SYCP1: variants seen among roughly 807,000 people sequenced by gnomAD.
SYCP1 encodes the protein synaptonemal complex protein 1, also known as cancer/testis antigen 8.
SYCP1 carries 64 observed loss-of-function variants against 153.1 expected under a neutral mutation model. The observed-to-expected ratio is 0.42, with a 90% CI of 0.34 to 0.51. The LOEUF (loss-of-function observed/expected upper bound fraction) is 0.51, where lower values mean the gene tolerates loss of function less well. SYCP1 is among the 20% of genes least tolerant of loss of function. The probability of loss-of-function intolerance (pLI) is 0.06; values close to 1 mark genes in which losing one functional copy is unlikely to be tolerated. For missense variants in SYCP1, 997 were observed against 1,049.0 expected (o/e 0.95, Z 0.68); for synonymous variants, 384 against 341.8 (o/e 1.12, Z -1.36).
rs772756663 is a variant in SYCP1, at chr1:114,926,591, T to A, written c.1926+28T>A. 8 of 1,530,806 alleles carry A rather than the reference T, an allele frequency of 5.2e-6. No homozygotes were observed. The African/African-American group carries it at 8.4e-5, about 16-fold the overall frequency. The allele number at this position is 1,530,806 out of a possible 1,614,324, so 94.8% of individuals were successfully genotyped here. A position where few individuals can be genotyped will look rare whatever the true frequency, so the allele number is the denominator to read the frequency against. Reference sequence around the variant, plus strand: ...ATTTGGCATCTTTATTTTTGTTTTTTAAATACTAATAGATAGATGAGAATT... The same window carrying A: ...ATTTGGCATCTTTATTTTTGTTTTTAAAATACTAATAGATAGATGAGAATT... On this transcript the variant is annotated intron_variant, in intron 23 of 31. Coordinates refer to ENST00000369522, the MANE Select transcript of SYCP1 (RefSeq NM_003176.4).
At chr1:114,949,644 T>A (rs1670963350) in intron 27 of SYCP1, among the ~76,000 whole-genome samples, 2 of 152,126 alleles carry the variant, frequency 1.3e-5, no homozygotes, top group Admixed American at 6.5e-5. Context: ...CAGGGCTCAA[T>A]CCCTTCCCTA....
Position 114,876,086 on chromosome 1 carries a change from T to G in SYCP1, c.675T>G (p.Phe225Leu). The change falls in exon 10 of 32, where the codon TTT (phenylalanine) becomes TTG (leucine). Residue 225 changes from phenylalanine to leucine, a missense_variant. Phe to Leu is a conservative substitution (Grantham distance 22). Coordinates refer to ENST00000369522, the MANE Select transcript of SYCP1 (RefSeq NM_003176.4). ...NNNIEKMITA[F>L]EELRVQAENS... ...TATTTCAGAAAATGATAACAGCTTTTGAGGAACTTCGTGTGCAAGCTGAGA... is the reference window on the plus strand; with the variant it reads ...TATTTCAGAAAATGATAACAGCTTTGGAGGAACTTCGTGTGCAAGCTGAGA... 1 of 1,582,588 alleles carries G rather than the reference T, an allele frequency of 6.3e-7. No homozygotes were observed. The highest frequency in any genetic ancestry group is 1.2e-5 in the South Asian group (1 of 85,106).
At chr1:114,959,116 T>C (rs1174220174) in intron 27 of SYCP1, among the ~76,000 whole-genome samples, 5 of 152,118 alleles carry the variant, frequency 3.3e-5, no homozygotes, top group African/African-American at 1.2e-4. Context: ...CTGAGAAAGT[T>C]CTCTTCTATT....
intron 21 of SYCP1, 90 bp from the exon 22 acceptor site, chr1:114,926,188 G>T: frequency 1.0e-6 from 1 of 1,001,396 alleles, no homozygotes; most frequent in South Asian, 3.3e-5. Context: ...ACCTTTATCA[G>T]TACTTTATGC....
chr1:114,857,617 T>A, intron 5 of SYCP1, 120 bp downstream of exon 5: 1 of 783,898 alleles, frequency 1.3e-6, no homozygotes, highest in Non-Finnish European at 1.9e-6. Context: ...TTAAGATATA[T>A]CCTTTAAAAC....
chr1:114,871,161 T>C (rs999625835), intron 8 of SYCP1, among the ~76,000 whole-genome samples: 1 of 151,524 alleles, frequency 6.6e-6, no homozygotes, highest in African/African-American at 2.4e-5. Flanking sequence ...TTTCCTCCCA[T>C]CTTTTTTTTT....
At chr1:114,969,226 C>T (rs1426995034) in intron 27 of SYCP1, among the ~76,000 whole-genome samples, 1 of 152,214 alleles carries the variant, frequency 6.6e-6, no homozygotes, top group Non-Finnish European at 1.5e-5. Flanking sequence ...AGATCCTCTG[C>T]TCTCTTCAGA....
chr1:114,872,434 G>A (rs1665214080), intron 8 of SYCP1, among the ~76,000 whole-genome samples: 1 of 152,064 alleles, frequency 6.6e-6, no homozygotes, highest in Non-Finnish European at 1.5e-5. Context: ...TTGCTCCTCT[G>A]TAGGTAAAAT....
At chr1:114,879,426 T>A (rs1665760982) in intron 12 of SYCP1, among the ~76,000 whole-genome samples, 1 of 152,230 alleles carries the variant, frequency 6.6e-6, no homozygotes, top group Non-Finnish European at 1.5e-5. Context: ...TATTTTGTGC[T>A]CTTTCAATCC....
chr1:114,858,991 T>G (rs888768446), intron 6 of SYCP1, among the ~76,000 whole-genome samples: 3 of 152,238 alleles, frequency 2.0e-5, no homozygotes, highest in Non-Finnish European at 4.4e-5. Flanking sequence ...ATAAAGAGTT[T>G]CAATTTTTAT....
intron 8 of SYCP1, among the ~76,000 whole-genome samples, chr1:114,870,597 T>C (rs578246078): frequency 6.6e-6 from 1 of 152,352 alleles, no homozygotes; most frequent in South Asian, 2.1e-4. Context: ...TTGCAGACAT[T>C]TTCTCCCAGT....
At chr1:114,906,628 A>G (rs972679248) in intron 16 of SYCP1, among the ~76,000 whole-genome samples, 5 of 152,120 alleles carry the variant, frequency 3.3e-5, no homozygotes, top group African/African-American at 9.7e-5. Flanking sequence ...TTAGAAGTCT[A>G]TTGTTCAATT....
At chr1:114,856,500 A>G (rs1238180980) in intron 2 of SYCP1, 73 bp from the exon 3 acceptor site, 2 of 967,246 alleles carry the variant, frequency 2.1e-6, no homozygotes, top group East Asian at 2.6e-5. Flanking sequence ...TATATTACAT[A>G]TGTATATATT....
intron 16 of SYCP1, among the ~76,000 whole-genome samples, chr1:114,902,095 C>T (rs1481087019): frequency 7.0e-6 from 1 of 142,178 alleles, no homozygotes; most frequent in African/African-American, 2.6e-5. Flanking sequence ...TGCTTCCCAA[C>T]GGGGAGGGGA....
intron 23 of SYCP1, among the ~76,000 whole-genome samples, chr1:114,929,215 G>A (rs1669465224): frequency 6.6e-6 from 1 of 151,826 alleles, no homozygotes; most frequent in Non-Finnish European, 1.5e-5. Flanking sequence ...CATAACAATA[G>A]CAAAAAAGTC....
chr1:114,902,955 G>A (rs996866346), intron 16 of SYCP1, among the ~76,000 whole-genome samples: 5 of 151,972 alleles, frequency 3.3e-5, no homozygotes, highest in Non-Finnish European at 7.4e-5. Context: ...TGAGGTGAGC[G>A]GATCACTTGA....
chr1:114,925,798 A>G (rs991541653), intron 21 of SYCP1, among the ~76,000 whole-genome samples: 1 of 152,178 alleles, frequency 6.6e-6, no homozygotes, highest in Non-Finnish European at 1.5e-5. Context: ...CATTGCAAAG[A>G]TAAGAATGAT....
chr1:114,906,726 A>AT (rs1667833026), intron 16 of SYCP1, among the ~76,000 whole-genome samples: 1 of 152,088 alleles, frequency 6.6e-6, no homozygotes, highest in African/African-American at 2.4e-5. Flanking sequence ...TTTTGTAAAA[A>AT]ATTTCTTAAG....
chr1:114,956,254 G>A (rs879214238), intron 27 of SYCP1, among the ~76,000 whole-genome samples: 1 of 152,140 alleles, frequency 6.6e-6, no homozygotes, highest in East Asian at 1.9e-4. Context: ...ATGGGTGGTG[G>A]GGGGACAGTC....
Sources: allele counts gnomAD v4.1 joint callset (sites outside exome capture counted in the v4.1 genomes callset), GRCh38; gene constraint gnomAD v4.1.1; transcripts MANE v1.5; gene names NCBI Gene and HGNC (gene_info 2026-07-23, HGNC 2026-07-21).